The following ELF4 variants were observed in gnomAD, a reference collection of about 807,000 sequenced individuals.
ELF4 encodes ETS-related transcription factor Elf-4.
ELF4 carries 10 observed loss-of-function variants against 31.7 expected under a neutral mutation model. The ratio of observed to expected loss-of-function variants is 0.32; its 90% confidence interval spans 0.19 to 0.54. The LOEUF (loss-of-function observed/expected upper bound fraction) is 0.54, where lower values mean the gene tolerates loss of function less well. Ranked by LOEUF, ELF4 falls within the 20% of genes least tolerant of loss-of-function variation. ELF4 has a pLI of 0.95. For synonymous variants in ELF4, 208 were observed against 226.7 expected (o/e 0.92, Z 0.74); for missense variants, 418 against 522.0 (o/e 0.80, Z 1.94).
chrX:130,085,382 C>A (rs1989076061), intron 1 of ELF4, among the ~76,000 whole-genome samples: 2 of 111,725 alleles, frequency 1.8e-5, no homozygotes, highest in Non-Finnish European at 3.8e-5. Context: ...AAAACCGAAG[C>A]AAAATAGAAG....
Position 130,072,416 on chromosome X carries a change from G to A in ELF4, c.342C>T (p.Phe114=). The A allele has an allele frequency of 2.5e-6, 3 of 1,212,024 alleles. No homozygotes were observed. The highest frequency in any genetic ancestry group is 3.4e-6 in the Non-Finnish European group (3 of 895,509). ...AGTCTGGAAGCATTTCGGAGGTACT[G>A]ACTGCAAGAAGAAAGACCTGAGGTG... ...PSDILDEKQI[F]STSEMLPDSD... Residue 114 remains phenylalanine (F), a splice_region_variant and synonymous_variant, in exon 5 of 9, where the codon TTC becomes TTT. Coordinates refer to ENST00000308167, the MANE Select transcript of ELF4 (RefSeq NM_001421.4).
intron 1 of ELF4, among the ~76,000 whole-genome samples, chrX:130,092,383 G>A (rs2058980016): frequency 8.9e-6 from 1 of 112,948 alleles, no homozygotes; most frequent in Admixed American, 9.3e-5. Flanking sequence ...CCTGCGTGGT[G>A]AGTGGGGAGG....
At chrX:130,073,177 C>A (rs780111900) in intron 4 of ELF4, among the ~76,000 whole-genome samples, 1 of 110,902 alleles carries the variant, frequency 9.0e-6, no homozygotes, top group Admixed American at 9.6e-5. Flanking sequence ...CAACCTCTGC[C>A]TCCCGGGTTC....
At chrX:130,093,341 C>T (rs1933092288) in intron 1 of ELF4, among the ~76,000 whole-genome samples, 2 of 111,111 alleles carry the variant, frequency 1.8e-5, no homozygotes, top group Non-Finnish European at 3.8e-5. Context: ...TAAAGTGGAT[C>T]CGTGTGGTTT....
intron 1 of ELF4, among the ~76,000 whole-genome samples, chrX:130,093,355 C>T (rs1255088882): frequency 9.0e-6 from 1 of 110,982 alleles, no homozygotes; most frequent in African/African-American, 3.3e-5. Flanking sequence ...GTGGTTTAAA[C>T]CCATGTTGTT....
chrX:130,065,374 G>C lies in ELF4; in HGVS notation c.*1347C>G, dbSNP rs763689647. On this transcript the variant is annotated 3_prime_UTR_variant, in exon 9 of 9. Coordinates refer to ENST00000308167, the MANE Select transcript of ELF4 (RefSeq NM_001421.4). ...GAAAGAGGGAAGGGGGAAGCAGGGA[G>C]CCACGAAGAGAGAGAGGTGCCACGG... is the stretch of plus-strand genomic sequence containing the variant. The C allele has an allele frequency of 2.4e-4, 41 of 173,630 alleles. No individual in the cohort carries two copies. The Middle Eastern group carries it at 0.013, about 53-fold the overall frequency. 14.3% of individuals were successfully genotyped at this position (173,630 alleles called of 1,213,427 possible). A position where few individuals can be genotyped will look rare whatever the true frequency, so the allele number is the denominator to read the frequency against.
In ELF4 at chrX:130,074,595, C is replaced by T. The variant is rs1426429971; in HGVS notation, c.233G>A (p.Ser78Asn). The T allele has an allele frequency of 2.5e-6, 3 of 1,209,954 alleles. No individual in the cohort carries two copies. The highest frequency in any genetic ancestry group is 3.4e-6 in the Non-Finnish European group (3 of 895,263). Reference sequence around the variant, plus strand: ...AGGGAACAGACCTGTCAGCAAAAAACTGCCTTCCAGGATCTGATCCTGCGT... The same window carrying T: ...AGGGAACAGACCTGTCAGCAAAAAATTGCCTTCCAGGATCTGATCCTGCGT... ...CMTQDQILEG[S>N]FLLTDDNEAT... Residue 78 changes from serine (S) to asparagine (N), a missense_variant, in exon 3 of 9, where the codon AGT becomes AAT. By Grantham distance (46) the Ser-to-Asn change is conservative. Coordinates refer to ENST00000308167, the MANE Select transcript of ELF4 (RefSeq NM_001421.4).
In ELF4 at chrX:130,071,427, G is replaced by A. The variant is rs772580240; in HGVS notation, c.533-8C>T. On this transcript the variant is annotated splice_region_variant and splice_polypyrimidine_tract_variant and intron_variant, in intron 5 of 8. Transcript: ENST00000308167. Reference sequence around the variant, plus strand: ...TGCCCTTGGTCTTCCGGACTATGAGGGAAAGGTGAGTAGGATGAGGAGCAG... The same window carrying A: ...TGCCCTTGGTCTTCCGGACTATGAGAGAAAGGTGAGTAGGATGAGGAGCAG... The A allele has an allele frequency of 1.7e-6, 2 of 1,207,590 alleles. No individual in the cohort carries two copies. Among genetic ancestry groups the A allele is most frequent in the Admixed American group, 4.4e-5 (2 of 45,771 alleles).
At chrX:130,068,027 G>C (rs1291826693) in intron 8 of ELF4, among the ~76,000 whole-genome samples, 1 of 111,606 alleles carries the variant, frequency 9.0e-6, no homozygotes, top group Non-Finnish European at 1.9e-5. Context: ...GGCCAGGCTG[G>C]TCTTGAACTC....
At chrX:130,103,615 G>T (rs768175928) in intron 1 of ELF4, among the ~76,000 whole-genome samples, 1 of 112,131 alleles carries the variant, frequency 8.9e-6, no homozygotes, top group Non-Finnish European at 1.9e-5. Flanking sequence ...TCCTCAGGGG[G>T]CATTATAGGA....
intron 2 of ELF4, among the ~76,000 whole-genome samples, chrX:130,076,906 T>C (rs1750872837): frequency 9.0e-6 from 1 of 111,603 alleles, no homozygotes; most frequent in Admixed American, 9.6e-5. Flanking sequence ...AGAATGAGAA[T>C]GATCCTCTCT....
At chrX:130,089,424 G>A (rs1021165223) in intron 1 of ELF4, among the ~76,000 whole-genome samples, 8 of 96,090 alleles carry the variant, frequency 8.3e-5, no homozygotes, top group Admixed American at 2.5e-4. Flanking sequence ...TGGGAGGATC[G>A]CTTGAGCCTG....
intron 2 of ELF4, among the ~76,000 whole-genome samples, chrX:130,078,190 G>C (rs900525217): frequency 9.1e-6 from 1 of 109,805 alleles, no homozygotes; most frequent in Admixed American, 9.7e-5. Flanking sequence ...GGGATTACAA[G>C]CATGTGCCAC....
intron 8 of ELF4, among the ~76,000 whole-genome samples, chrX:130,068,810 A>G (rs6529411): frequency 0.085 from 9,536 of 112,027 alleles, 850 homozygotes; most frequent in African/African-American, 0.27. Context: ...AAGCCCCCGG[A>G]TGTGTGACCT....
intron 7 of ELF4, 35 bp from the exon 8 acceptor site, chrX:130,069,712 C>T (rs771887476): frequency 5.8e-6 from 7 of 1,207,806 alleles, no homozygotes; most frequent in East Asian, 5.9e-5. Context: ...GGGAGTTAGC[C>T]GGGAGCTGGG....
At chrX:130,096,190 G>A (rs901259537) in intron 1 of ELF4, among the ~76,000 whole-genome samples, 8 of 110,035 alleles carry the variant, frequency 7.3e-5, no homozygotes, top group Admixed American at 3.9e-4. Flanking sequence ...TTTTTGTTTT[G>A]TTTTGTTTTT....
intron 4 of ELF4, among the ~76,000 whole-genome samples, chrX:130,073,438 G>A (rs776687915): frequency 6.3e-5 from 7 of 111,888 alleles, no homozygotes; most frequent in Non-Finnish European, 1.3e-4. Context: ...AGTCTTCCTG[G>A]GAGCTAAGCA....
intron 1 of ELF4, among the ~76,000 whole-genome samples, chrX:130,089,134 C>A (rs1042169901): frequency 9.0e-6 from 1 of 110,781 alleles, no homozygotes; most frequent in African/African-American, 3.3e-5. Context: ...ACAGGGAGGG[C>A]AGCCTCGGCT....
At chrX:130,087,606 T>C (rs1326833193) in intron 1 of ELF4, among the ~76,000 whole-genome samples, 1 of 111,911 alleles carries the variant, frequency 8.9e-6, no homozygotes, top group African/African-American at 3.2e-5. Flanking sequence ...TAGCTGGGAT[T>C]ATAGGTGTGT....
Sources: allele counts gnomAD v4.1 joint callset (sites outside exome capture counted in the v4.1 genomes callset), GRCh38; gene constraint gnomAD v4.1.1; transcripts MANE v1.5; gene names NCBI Gene and HGNC (gene_info 2026-07-23, HGNC 2026-07-21).